The following RANBP2 variants were observed in gnomAD, a reference collection of about 807,000 sequenced individuals.
RANBP2 encodes the protein E3 SUMO-protein ligase RanBP2.
Under a neutral mutation model 303.6 loss-of-function variants are expected in RANBP2, and 57 were observed. That is an observed-to-expected ratio of 0.19 (90% CI 0.15 to 0.23). The LOEUF is 0.23. RANBP2 is among the 10% of genes least tolerant of loss of function. RANBP2 has a pLI of 1.00. For missense variants in RANBP2, 3,138 were observed against 3,780.8 expected, an observed-to-expected ratio of 0.83 and a Z score of 4.46; for synonymous variants, 1,167 against 1,301.5, an observed-to-expected ratio of 0.90 and a Z score of 2.23.
chr2:109,322,987 A>T, the RANBP2 span, among the ~76,000 whole-genome samples: 1 of 152,218 alleles, frequency 6.6e-6, no homozygotes, highest in Non-Finnish European at 1.5e-5. Context: ...ACTGTGGGCA[A>T]GGCTGCTGAG....
the RANBP2 span, among the ~76,000 whole-genome samples, chr2:109,339,999 C>G: frequency 1.3e-5 from 2 of 152,286 alleles, no homozygotes; most frequent in Non-Finnish European, 2.9e-5. Context: ...GAGGAATTTG[C>G]CCACCTTGCT....
chr2:109,078,879 T>C, the RANBP2 span, among the ~76,000 whole-genome samples: 2 of 150,780 alleles, frequency 1.3e-5, no homozygotes, highest in South Asian at 4.2e-4. Context: ...TAGTCCCAGC[T>C]ACTTGGGAGG....
At chr2:109,452,005 G>T in the RANBP2 span, among the ~76,000 whole-genome samples, 1 of 152,254 alleles carries the variant, frequency 6.6e-6, no homozygotes, top group Non-Finnish European at 1.5e-5. Flanking sequence ...CACACATTGT[G>T]TGTGCTTTTC....
chr2:109,799,276 G>C, the RANBP2 span, among the ~76,000 whole-genome samples: 1 of 125,616 alleles, frequency 8.0e-6, no homozygotes, highest in Non-Finnish European at 1.6e-5. Flanking sequence ...AACAGGCCTT[G>C]TTCCTTTATG....
Position 108,783,586 on chromosome 2 carries a change from T to G in RANBP2, c.9370-10T>G. ...ATTTTTAACTTTTTTATTATAAATC[T>G]TTTTTTCAGGGAGGAGATATCACCA... is the stretch of plus-strand genomic sequence containing the variant. On this transcript the variant is annotated splice_polypyrimidine_tract_variant and intron_variant, in intron 28 of 28. Coordinates refer to ENST00000283195, the MANE Select transcript of RANBP2 (RefSeq NM_006267.5). 6.3e-7 allele frequency: 1 copy of G among 1,594,470 alleles called. No homozygotes were observed. Among genetic ancestry groups the G allele is most frequent in the South Asian group, 1.1e-5 (1 of 87,068 alleles).
the RANBP2 span, among the ~76,000 whole-genome samples, chr2:108,840,881 G>A: frequency 2.3e-4 from 35 of 151,258 alleles, no homozygotes; most frequent in African/African-American, 6.3e-4. Flanking sequence ...GCACAGTCTC[G>A]GCTCATTGCA....
chr2:108,786,894 CG>C (rs1439139604), downstream of RANBP2: 1 of 1,552,438 alleles, frequency 6.4e-7, no homozygotes, highest in Non-Finnish European at 8.7e-7. Flanking sequence ...GCTACGGACT[CG>C]GGGGCAGCTG....
chr2:109,499,849 T>C, the RANBP2 span, among the ~76,000 whole-genome samples: 1 of 152,074 alleles, frequency 6.6e-6, no homozygotes, highest in Non-Finnish European at 1.5e-5. Flanking sequence ...ATCGGCAACA[T>C]AACTGACATT....
At chr2:109,559,389 C>T in the RANBP2 span, among the ~76,000 whole-genome samples, 1 of 152,206 alleles carries the variant, frequency 6.6e-6, no homozygotes, top group Non-Finnish European at 1.5e-5. Flanking sequence ...ACTGCTCCCA[C>T]TCACTCTGTA....
chr2:109,174,769 T>C, the RANBP2 span, among the ~76,000 whole-genome samples: 1 of 152,242 alleles, frequency 6.6e-6, no homozygotes, highest in Non-Finnish European at 1.5e-5. Flanking sequence ...CTTGTGTGGC[T>C]CACTCGCTGG....
At chr2:108,861,441 A>G in the RANBP2 span, among the ~76,000 whole-genome samples, 1 of 131,326 alleles carries the variant, frequency 7.6e-6, no homozygotes, top group African/African-American at 3.4e-5. Context: ...TTCTTTTTTT[A>G]TGTAGACATT....
the RANBP2 span, among the ~76,000 whole-genome samples, chr2:109,404,739 C>T: frequency 2.0e-5 from 3 of 152,154 alleles, no homozygotes; most frequent in East Asian, 3.9e-4. Flanking sequence ...CCTACTGCTT[C>T]CTCTTTCCCA....
the RANBP2 span, among the ~76,000 whole-genome samples, chr2:109,104,996 T>C: frequency 6.6e-6 from 1 of 152,160 alleles, no homozygotes. Flanking sequence ...TAGGTAGACA[T>C]GAGCAGGGCA....
chr2:108,786,961 G>T, downstream of RANBP2: 1 of 1,348,078 alleles, frequency 7.4e-7, no homozygotes, highest in African/African-American at 1.5e-5. Flanking sequence ...TGCTGCTGGG[G>T]GGCGGCCCGC....
chr2:109,513,972 G>T, the RANBP2 span, among the ~76,000 whole-genome samples: 1 of 152,300 alleles, frequency 6.6e-6, no homozygotes, highest in East Asian at 1.9e-4. Flanking sequence ...AGCCTCCTGG[G>T]CCTGGGGGCC....
chr2:109,648,362 C>A, the RANBP2 span, among the ~76,000 whole-genome samples: 1 of 152,018 alleles, frequency 6.6e-6, no homozygotes, highest in African/African-American at 2.4e-5. Flanking sequence ...CTGATTTACA[C>A]TTTTTTTTGA....
At chr2:109,618,388 T>G in the RANBP2 span, 1 of 167,106 alleles carries the variant, frequency 6.0e-6, no homozygotes, top group East Asian at 1.9e-4. Flanking sequence ...TGTTGGTCAC[T>G]AATTGCACAA....
At chr2:108,883,141 A>G in the RANBP2 span, 1 of 149,394 alleles carries the variant, frequency 6.7e-6, no homozygotes, top group African/African-American at 2.5e-5. Flanking sequence ...TGTGTAGAGG[A>G]AGGTGTGATA....
the RANBP2 span, among the ~76,000 whole-genome samples, chr2:109,303,846 C>G: frequency 2.0e-5 from 3 of 152,184 alleles, no homozygotes; most frequent in African/African-American, 7.2e-5. Context: ...CATCACCTCT[C>G]AGAGTTGTGC....
Sources: allele counts gnomAD v4.1 joint callset (sites outside exome capture counted in the v4.1 genomes callset), GRCh38; gene constraint gnomAD v4.1.1; transcripts MANE v1.5; gene names NCBI Gene and HGNC (gene_info 2026-07-23, HGNC 2026-07-21).